The following GBF1 variants were observed in gnomAD, a reference collection of about 807,000 sequenced individuals.
The protein encoded by GBF1 is golgi brefeldin A resistant guanine nucleotide exchange factor 1.
A neutral mutation model predicts 210.5 loss-of-function variants in GBF1; 114 were observed. The ratio of observed to expected loss-of-function variants is 0.54; its 90% CI spans 0.47 to 0.63. GBF1 has a LOEUF of 0.63. Ranked by LOEUF, GBF1 falls within the 30% of genes least tolerant of loss-of-function variation. The pLI is 0.00. For synonymous variants in GBF1, 850 were observed against 889.2 expected (o/e 0.96, Z 0.78); for missense variants, 1,851 against 2,357.7 (o/e 0.79, Z 4.45).
intron 1 of GBF1, among the ~76,000 whole-genome samples, chr10:102,251,802 C>T (rs997483485): frequency 1.3e-5 from 2 of 152,140 alleles, no homozygotes; most frequent in African/African-American, 4.8e-5. Context: ...CTGATGCTCC[C>T]TCCTTGGCCT....
intron 29 of GBF1, among the ~76,000 whole-genome samples, chr10:102,373,703 A>T (rs899186858): frequency 1.3e-5 from 2 of 152,260 alleles, no homozygotes; most frequent in African/African-American, 4.8e-5. Flanking sequence ...GTAAAATGGT[A>T]CAGCTACTCT....
At chr10:102,262,586 G>C (rs1363145342) in intron 3 of GBF1, among the ~76,000 whole-genome samples, 1 of 152,218 alleles carries the variant, frequency 6.6e-6, no homozygotes, top group Non-Finnish European at 1.5e-5. Context: ...CCCTGGCCTT[G>C]TAGGCCTTTT....
chr10:102,260,772 T>C (rs1047335051), intron 3 of GBF1, among the ~76,000 whole-genome samples: 1 of 152,068 alleles, frequency 6.6e-6, no homozygotes, highest in Non-Finnish European at 1.5e-5. Context: ...CCACTGCGCC[T>C]GGCCTATATT....
Position 102,376,658 on chromosome 10 carries a change from G to A in GBF1, c.4146G>A (p.Leu1382=). 6.2e-7 allele frequency: 1 copy of A among 1,613,940 alleles called. No individual in the cohort carries two copies. The highest frequency in any genetic ancestry group is 8.5e-7 in the Non-Finnish European group (1 of 1,179,940). The part of the protein sequence containing the change: ...NQYSLTVGLD[L]GPHDTKSLLK... ...ACAGCCTAACAGTGGGACTGGATTT[G>A]GGGCCACACGACACTAAGTCTCTGC... is the stretch of plus-strand genomic sequence containing the variant. The change falls in exon 32 of 40, where the codon TTG becomes TTA. Residue 1382 remains leucine, a synonymous_variant. Coordinates refer to ENST00000369983, the MANE Select transcript of GBF1 (RefSeq NM_001377137.1).
chr10:102,294,542 C>T (rs1030964878), intron 3 of GBF1, among the ~76,000 whole-genome samples: 2 of 151,920 alleles, frequency 1.3e-5, no homozygotes, highest in East Asian at 1.9e-4. Context: ...TCACCACGCC[C>T]GGCTAATTTT....
At chr10:102,381,994 A>G (rs535822300) in intron 39 of GBF1, 62 bp from the exon 40 acceptor site, 1 of 1,367,508 alleles carries the variant, frequency 7.3e-7, no homozygotes, top group African/African-American at 1.5e-5. Flanking sequence ...CAGCTGGGCA[A>G]TGTGAGAGTT....
intron 4 of GBF1, among the ~76,000 whole-genome samples, chr10:102,349,002 C>A (rs1218473412): frequency 6.6e-6 from 1 of 151,678 alleles, no homozygotes; most frequent in Non-Finnish European, 1.5e-5. Flanking sequence ...TACAAAAATT[C>A]TCCTGGCATG....
chr10:102,278,958 C>T (rs2075246477), intron 3 of GBF1, among the ~76,000 whole-genome samples: 1 of 152,086 alleles, frequency 6.6e-6, no homozygotes, highest in South Asian at 2.1e-4. Context: ...TGTAGGGAAA[C>T]ATTTGAAGAT....
At chr10:102,297,031 C>T (rs1291224792) in intron 3 of GBF1, among the ~76,000 whole-genome samples, 4 of 144,578 alleles carry the variant, frequency 2.8e-5, no homozygotes, top group East Asian at 2.0e-4. Flanking sequence ...AGCAACAGAG[C>T]GAGACTGTCT....
intron 3 of GBF1, among the ~76,000 whole-genome samples, chr10:102,341,541 C>T (rs2058181858): frequency 6.6e-6 from 1 of 152,188 alleles, no homozygotes; most frequent in Admixed American, 6.5e-5. Context: ...GGAGATCCCA[C>T]ATGTCCTTCA....
At chr10:102,268,750 C>A (rs2479552) in intron 3 of GBF1, among the ~76,000 whole-genome samples, 48,937 of 152,028 alleles carry the variant, frequency 0.32, 8,516 homozygotes, top group South Asian at 0.47. Context: ...AGCCTTGCCC[C>A]CCTCTGACTA....
chr10:102,367,874 G>C (rs1425463574), intron 21 of GBF1, among the ~76,000 whole-genome samples: 1 of 152,214 alleles, frequency 6.6e-6, no homozygotes, highest in African/African-American at 2.4e-5. Flanking sequence ...GAGAACCCAA[G>C]ATGGGCACTG....
intron 3 of GBF1, among the ~76,000 whole-genome samples, chr10:102,280,130 A>AAAG (rs1554949955): frequency 6.7e-6 from 1 of 150,120 alleles, no homozygotes; most frequent in African/African-American, 2.4e-5. Context: ...CTTAAAAAAA[A>AAAG]AGAGAGAGAG....
chr10:102,286,208 T>TG (rs1565060647), intron 3 of GBF1, among the ~76,000 whole-genome samples: 2 of 151,914 alleles, frequency 1.3e-5, no homozygotes, highest in African/African-American at 4.8e-5. Flanking sequence ...TTTTTTTTTT[T>TG]TTTTTTTTTC....
At chr10:102,258,198 C>T (rs2072682435) in intron 1 of GBF1, among the ~76,000 whole-genome samples, 1 of 143,922 alleles carries the variant, frequency 6.9e-6, no homozygotes, top group African/African-American at 2.6e-5. Flanking sequence ...TCTTGTTGCC[C>T]AGGCTGGAGT....
chr10:102,301,538 A>G (rs536642392), intron 3 of GBF1, among the ~76,000 whole-genome samples: 143 of 152,028 alleles, frequency 9.4e-4, no homozygotes, highest in Admixed American at 2.0e-3. Flanking sequence ...GGGGCTCCTC[A>G]CTTCTCAGAC....
the GBF1 span, among the ~76,000 whole-genome samples, chr10:102,240,018 C>G: frequency 3.9e-5 from 6 of 152,206 alleles, no homozygotes; most frequent in African/African-American, 1.4e-4. Flanking sequence ...ACTGGTAGGG[C>G]TGAGGAAGAA....
At chr10:102,299,465 T>C (rs2077162708) in intron 3 of GBF1, among the ~76,000 whole-genome samples, 1 of 152,202 alleles carries the variant, frequency 6.6e-6, no homozygotes, top group Non-Finnish European at 1.5e-5. Flanking sequence ...ATCCATTTAC[T>C]ATACATTAAT....
At chr10:102,274,776 A>T (rs2074782207) in intron 3 of GBF1, among the ~76,000 whole-genome samples, 3 of 122,564 alleles carry the variant, frequency 2.4e-5, no homozygotes, top group Non-Finnish European at 4.7e-5. Flanking sequence ...CAGTGGCGTG[A>T]TCTTTGCTCA....
Sources: gnomAD v4.1 joint callset for allele counts (sites outside exome capture counted in the v4.1 genomes callset) on GRCh38, gnomAD v4.1.1 for gene constraint, MANE v1.5 for transcripts, NCBI Gene and HGNC (gene_info 2026-07-23, HGNC 2026-07-21) for gene names.